The following DNAJB4 variants were observed in gnomAD, a reference collection of about 807,000 sequenced individuals.
DNAJB4 encodes the protein dnaJ homolog subfamily B member 4.
In DNAJB4, 10 loss-of-function variants were observed where a neutral mutation model predicts 26.6. The ratio of observed to expected loss-of-function variants is 0.38; its 90% CI spans 0.23 to 0.64. DNAJB4 has a LOEUF of 0.64. Among genes scored for constraint, DNAJB4 ranks in the 30% least tolerant of loss-of-function variants. The probability of loss-of-function intolerance (pLI) is 0.58; values close to 1 mark genes in which losing one functional copy is unlikely to be tolerated. For synonymous variants in DNAJB4, 136 were observed against 134.8 expected, an observed-to-expected ratio of 1.01 and a Z score of -0.06; for missense variants, 328 against 408.2, an observed-to-expected ratio of 0.80 and a Z score of 1.69.
chr1:78,012,072 A>G (rs1234733595), intron 1 of DNAJB4, among the ~76,000 whole-genome samples: 1 of 148,920 alleles, frequency 6.7e-6, no homozygotes, highest in Non-Finnish European at 1.5e-5. Flanking sequence ...ATTTATAAGT[A>G]GATACTTATA....
intron 1 of DNAJB4, among the ~76,000 whole-genome samples, chr1:77,988,111 A>G (rs1182542011): frequency 6.7e-6 from 1 of 148,490 alleles, no homozygotes; most frequent in African/African-American, 2.5e-5. Context: ...TGTAACCTCA[A>G]ACTCCTGTGC....
upstream of DNAJB4, chr1:78,004,733 C>T (rs1660284466): frequency 5.0e-6 from 1 of 198,780 alleles, no homozygotes; most frequent in South Asian, 9.6e-5. Flanking sequence ...GAAATAAAGA[C>T]GGTAGAGCTA....
At chr1:77,988,555 A>C (rs1435544946) in intron 1 of DNAJB4, among the ~76,000 whole-genome samples, 1 of 152,112 alleles carries the variant, frequency 6.6e-6, no homozygotes, top group East Asian at 1.9e-4. Flanking sequence ...TTCCTCAAAG[A>C]TGCCTTGCAT....
chr1:77,980,818 T>A (rs540009244), intron 1 of DNAJB4, among the ~76,000 whole-genome samples: 2 of 152,318 alleles, frequency 1.3e-5, no homozygotes, highest in African/African-American at 4.8e-5. Context: ...AAGGCAGTAG[T>A]ATCCATTTAT....
rs529915152 is a variant in DNAJB4 at position 77,999,479 on chromosome 1, G to C, written c.-31-5601G>C. ...AAGATAGTAAAATTCAGAGATAAAG[G>C]TCTGAAAAGGGAACTTGGCAAGAGG... On this transcript the variant is annotated intron_variant, in intron 1 of 2. Coordinates refer to the DNAJB4 transcript ENST00000426517. Among the ~76,000 whole-genome samples the C allele has an allele frequency of 5.9e-5, 9 of 151,720 alleles. No homozygotes were observed. In the South Asian group the frequency reaches 1.7e-3, roughly 28 times the overall value.
At chr1:78,002,875 C>A (rs1219078790), upstream of DNAJB4, among the ~76,000 whole-genome samples, 1 of 152,072 alleles carries the variant, frequency 6.6e-6, no homozygotes, top group African/African-American at 2.4e-5. Context: ...TTTTCAGTGT[C>A]TAGGGAGCCA....
upstream of DNAJB4, among the ~76,000 whole-genome samples, chr1:78,001,672 T>G (rs76218239): frequency 0.015 from 2,256 of 152,326 alleles, 45 homozygotes; most frequent in African/African-American, 0.051. Flanking sequence ...GTTAAAATGC[T>G]ATCTTAATTT....
At chr1:77,980,666 T>G (rs1374552394) in intron 1 of DNAJB4, among the ~76,000 whole-genome samples, 1 of 152,166 alleles carries the variant, frequency 6.6e-6, no homozygotes, top group Non-Finnish European at 1.5e-5. Context: ...CAGCAGCTCT[T>G]AAGAGTAATT....
intron 1 of DNAJB4, among the ~76,000 whole-genome samples, chr1:77,982,923 T>C (rs983707292): frequency 6.6e-6 from 1 of 152,188 alleles, no homozygotes; most frequent in Non-Finnish European, 1.5e-5. Flanking sequence ...CCTCCACACC[T>C]GTGGGTGTTT....
rs1051262572 is a variant in DNAJB4, at chr1:78,017,429, T to G, written c.*1182T>G. 1 of 151,988 alleles carries G rather than the reference T, an allele frequency of 6.6e-6. No homozygotes were observed. The highest frequency in any genetic ancestry group is 1.5e-5 in the Non-Finnish European group (1 of 67,898). 9.4% of individuals were successfully genotyped at this position (151,988 alleles called of 1,614,324 possible). On this transcript the variant is annotated 3_prime_UTR_variant, in exon 3 of 3. Coordinates refer to ENST00000370763, the MANE Select transcript of DNAJB4 (RefSeq NM_007034.5). ...TATATATACTGGATCCTATCGCCTT[T>G]TAGTAGAATATGAAATATTCTTTTA... is the stretch of plus-strand genomic sequence containing the variant.
chr1:78,014,754 C>T (rs560803086), intron 2 of DNAJB4, among the ~76,000 whole-genome samples: 110 of 152,150 alleles, frequency 7.2e-4, no homozygotes, highest in African/African-American at 2.5e-3. Context: ...GTGCCCGCCA[C>T]CATGCCCAGC....
chr1:78,006,107 G>GAA (rs1557509060), intron 1 of DNAJB4, among the ~76,000 whole-genome samples: 1 of 152,238 alleles, frequency 6.6e-6, no homozygotes, highest in Non-Finnish European at 1.5e-5. Flanking sequence ...TAGGTATAGA[G>GAA]AAAAACATGA....
chr1:78,009,021 G>C (rs58391568), intron 1 of DNAJB4, among the ~76,000 whole-genome samples: 1 of 149,554 alleles, frequency 6.7e-6, no homozygotes, highest in South Asian at 2.1e-4. Flanking sequence ...AATATTAAAA[G>C]GTAGTGTTTA....
At chr1:77,981,196 G>T (rs953461540) in intron 1 of DNAJB4, 4 of 134,040 alleles carry the variant, frequency 3.0e-5, no homozygotes, top group Non-Finnish European at 4.7e-5. Flanking sequence ...TACTCGCTCT[G>T]TTGCCCAGGC....
intron 1 of DNAJB4, among the ~76,000 whole-genome samples, chr1:78,006,247 C>T (rs1660327388): frequency 6.6e-6 from 1 of 152,068 alleles, no homozygotes; most frequent in South Asian, 2.1e-4. Context: ...CAGGTTTGTC[C>T]ATCACTTCCA....
chr1:78,004,498 C>T (rs894137345), upstream of DNAJB4: 4 of 152,080 alleles, frequency 2.6e-5, no homozygotes, highest in Non-Finnish European at 5.9e-5. Flanking sequence ...ATTTAAACAA[C>T]CTGCGTTTTG....
At chr1:78,014,262 C>T (rs368815444) in intron 2 of DNAJB4, among the ~76,000 whole-genome samples, 4 of 151,918 alleles carry the variant, frequency 2.6e-5, no homozygotes, top group East Asian at 1.9e-4. Flanking sequence ...CGCCCCCCAC[C>T]ACACCTGGCT....
intron 1 of DNAJB4, among the ~76,000 whole-genome samples, chr1:77,988,610 A>G (rs551972407): frequency 1.4e-4 from 21 of 152,238 alleles, no homozygotes; most frequent in African/African-American, 4.6e-4. Context: ...CCTCTATCCA[A>G]TAAGTTCTAC....
At chr1:77,980,665 T>C (rs924138246) in intron 1 of DNAJB4, among the ~76,000 whole-genome samples, 1 of 152,178 alleles carries the variant, frequency 6.6e-6, no homozygotes. Flanking sequence ...TCAGCAGCTC[T>C]TAAGAGTAAT....
Sources: allele counts gnomAD v4.1 joint callset (sites outside exome capture counted in the v4.1 genomes callset), GRCh38; gene constraint gnomAD v4.1.1; transcripts MANE v1.5; gene names NCBI Gene and HGNC (gene_info 2026-07-23, HGNC 2026-07-21).